The following DENND2B variants were observed in gnomAD, a reference collection of about 807,000 sequenced individuals.
DENND2B encodes the protein DENN domain-containing protein 2B.
A neutral mutation model predicts 116.0 loss-of-function variants in DENND2B; 32 were observed. The observed-to-expected ratio is 0.28, with a 90% CI of 0.21 to 0.37. The LOEUF is 0.37. Ranked by LOEUF, DENND2B falls within the 10% of genes least tolerant of loss-of-function variation. The pLI, the probability that DENND2B is intolerant of heterozygous loss-of-function variation, is 1.00. For synonymous variants in DENND2B, 588 were observed against 583.9 expected (o/e 1.01, Z -0.10); for missense variants, 1,276 against 1,477.7 (o/e 0.86, Z 2.24).
At chr11:8,748,330 G>A (rs1178083905) in intron 2 of DENND2B, among the ~76,000 whole-genome samples, 1 of 152,240 alleles carries the variant, frequency 6.6e-6, no homozygotes, top group Non-Finnish European at 1.5e-5. Context: ...AAATACCTTG[G>A]AGAAAGAGAA....
chr11:8,906,672 G>A (rs2064243045), intron 1 of DENND2B, among the ~76,000 whole-genome samples: 1 of 152,040 alleles, frequency 6.6e-6, no homozygotes, highest in Non-Finnish European at 1.5e-5. Flanking sequence ...AACAGATTGT[G>A]AAAGTTAATT....
In DENND2B at chr11:8,715,642, G is replaced by A. The variant is rs780237609; in HGVS notation, c.1806C>T (p.Ser602=). ...GGGCCCGGCGGCTGGACAGCAGCTC[G>A]CTGGTGGTGCTGAGGCTGTCTTCAT... The part of the protein sequence containing the change: ...SLNEDSLSTT[S]ELLSSRRARR... Residue 602 remains serine (S), a synonymous_variant, in exon 6 of 20, where the codon AGC becomes AGT. Transcript: ENST00000313726. 1.1e-5 allele frequency: 17 copies of A among 1,613,718 alleles called. No individual in the cohort carries two copies. The East Asian group carries it at 1.1e-4, about 11-fold the overall frequency.
chr11:8,820,977 C>G (rs2061738358), intron 4 of DENND2B, among the ~76,000 whole-genome samples: 1 of 151,948 alleles, frequency 6.6e-6, no homozygotes, highest in Admixed American at 6.6e-5. Flanking sequence ...CAAAAATTAG[C>G]CAGGCATGAT....
At chr11:8,835,137 G>T (rs559846547) in intron 4 of DENND2B, among the ~76,000 whole-genome samples, 1 of 152,102 alleles carries the variant, frequency 6.6e-6, no homozygotes, top group Non-Finnish European at 1.5e-5. Flanking sequence ...CCAGCTACTC[G>T]GGAGGCTGAA....
At chr11:8,839,232 A>T (rs1177797687) in intron 4 of DENND2B, 3 of 152,238 alleles carry the variant, frequency 2.0e-5, no homozygotes, top group Non-Finnish European at 4.4e-5. Flanking sequence ...CCGAACAAGG[A>T]TCTTTGCCGG....
intron 3 of DENND2B, among the ~76,000 whole-genome samples, chr11:8,854,037 T>TTTA (rs1280899010): frequency 2.2e-5 from 3 of 136,498 alleles, no homozygotes; most frequent in Non-Finnish European, 4.7e-5. Flanking sequence ...TTTTTTTTTT[T>TTTA]TTTTTTTTTT....
chr11:8,898,697 C>T (rs924478468), intron 1 of DENND2B, among the ~76,000 whole-genome samples: 24 of 152,308 alleles, frequency 1.6e-4, no homozygotes, highest in African/African-American at 4.8e-4. Context: ...TCTATGGCTA[C>T]TTTCACATTA....
chr11:8,754,350 C>T (rs1220793641), intron 1 of DENND2B, among the ~76,000 whole-genome samples: 1 of 152,082 alleles, frequency 6.6e-6, no homozygotes, highest in Non-Finnish European at 1.5e-5. Context: ...TAGGGAAATA[C>T]AAATCAAAAC....
chr11:8,696,922 T>C (rs1197130840), intron 17 of DENND2B, among the ~76,000 whole-genome samples: 1 of 152,180 alleles, frequency 6.6e-6, no homozygotes, highest in Non-Finnish European at 1.5e-5. Flanking sequence ...TAGCTGGGAT[T>C]ACAGGTGCAC....
At chr11:8,781,022 AG>A (rs1236708215) in intron 1 of DENND2B, among the ~76,000 whole-genome samples, 1 of 152,136 alleles carries the variant, frequency 6.6e-6, no homozygotes, top group Non-Finnish European at 1.5e-5. Context: ...AGACCAGGGA[AG>A]GGAAGGGAAT....
intron 2 of DENND2B, among the ~76,000 whole-genome samples, chr11:8,859,042 C>T (rs990215736): frequency 6.6e-6 from 1 of 152,146 alleles, no homozygotes; most frequent in Admixed American, 6.5e-5. Flanking sequence ...AGCCCTTGGG[C>T]GCTCCAAAAG....
intron 1 of DENND2B, among the ~76,000 whole-genome samples, chr11:8,895,296 A>T (rs2064086546): frequency 6.6e-6 from 1 of 152,214 alleles, no homozygotes; most frequent in Non-Finnish European, 1.5e-5. Flanking sequence ...TACCTAATGT[A>T]AATGACGAGT....
rs200414023 is a variant in DENND2B at position 8,783,734 on chromosome 11, TAGC to T, written c.-26+26780_-26+26782del. On this transcript the variant is annotated intron_variant, in intron 1 of 19. Transcript: ENST00000313726. ...AAAGAAAATAAGGACAATCTGGTAA[TAGC>T]AGATGAGTTTTACTTGAAATAACGG... 7.1e-3 allele frequency among the ~76,000 whole-genome samples: 1,088 copies of T among 152,280 alleles called. 10 individuals carry two copies. Among genetic ancestry groups the T allele is most frequent in the African/African-American group, 0.024 (1,009 of 41,548 alleles).
intron 9 of DENND2B, chr11:8,711,762 G>A (rs2043741486): frequency 3.7e-6 from 1 of 270,106 alleles, no homozygotes; most frequent in Non-Finnish European, 7.6e-6. Context: ...AGCTACTTGG[G>A]AGGCTGAGGC....
intron 1 of DENND2B, 31 bp downstream of exon 1, chr11:8,810,486 C>A (rs2061293564): frequency 6.6e-6 from 1 of 152,290 alleles, no homozygotes; most frequent in Admixed American, 6.5e-5. Context: ...GGAAAGGAGG[C>A]CAAATGATCC....
chr11:8,906,093 C>A (rs1021405558), intron 1 of DENND2B, among the ~76,000 whole-genome samples: 6 of 151,404 alleles, frequency 4.0e-5, no homozygotes, highest in Non-Finnish European at 7.4e-5. Context: ...CAAAACTGCA[C>A]TTTGGTGATG....
chr11:8,829,317 G>A (rs1206815028), intron 4 of DENND2B, among the ~76,000 whole-genome samples: 3 of 152,128 alleles, frequency 2.0e-5, no homozygotes, highest in African/African-American at 7.2e-5. Flanking sequence ...ACTGGCCACA[G>A]CGCAATTCAG....
rs1267990436 is a variant in DENND2B at position 8,707,014 on chromosome 11, G to A, written c.2571+71C>T. Reference sequence around the variant, plus strand: ...GTGCTCTGCAACCCCCAAAGACTACGACCTTGGCCAGCATGGTCCTCCTGC... The same window carrying A: ...GTGCTCTGCAACCCCCAAAGACTACAACCTTGGCCAGCATGGTCCTCCTGC... On this transcript the variant is annotated intron_variant, in intron 13 of 19. Coordinates refer to ENST00000313726, the MANE Select transcript of DENND2B (RefSeq NM_213618.2). This position sits in a 1 kb window ranked among gnomAD's most constrained non-coding sequence, Gnocchi z 4.8. 31 of 1,552,390 alleles carry A rather than the reference G, an allele frequency of 2.0e-5. 1 individual carries two copies. The Admixed American group carries it at 3.8e-4, about 19-fold the overall frequency.
At chr11:8,858,921 C>T (rs2063290739) in intron 2 of DENND2B, among the ~76,000 whole-genome samples, 1 of 152,106 alleles carries the variant, frequency 6.6e-6, no homozygotes, top group East Asian at 1.9e-4. Flanking sequence ...CACATAAAAC[C>T]CTTACAACAG....
Sources: allele counts gnomAD v4.1 joint callset (sites outside exome capture counted in the v4.1 genomes callset), GRCh38; gene constraint gnomAD v4.1.1; non-coding constraint Gnocchi (gnomAD v3.1); transcripts MANE v1.5; gene names NCBI Gene and HGNC (gene_info 2026-07-23, HGNC 2026-07-21).